The following SLC35F3 variants were observed in gnomAD, a reference collection of about 807,000 sequenced individuals.
The protein encoded by SLC35F3 is putative thiamine transporter SLC35F3.
A neutral mutation model predicts 49.9 loss-of-function variants in SLC35F3; 25 were observed. That is an observed-to-expected ratio of 0.50 (90% CI 0.37 to 0.70). The LOEUF is 0.70. Ranked by LOEUF, SLC35F3 falls within the 30% of genes least tolerant of loss-of-function variation. The probability of loss-of-function intolerance (pLI) is 0.00; values close to 1 mark genes in which losing one functional copy is unlikely to be tolerated. For synonymous variants in SLC35F3, 275 were observed against 265.4 expected, an observed-to-expected ratio of 1.04 and a Z score of -0.35; for missense variants, 525 against 639.8, an observed-to-expected ratio of 0.82 and a Z score of 1.94.
At chr1:233,987,582 C>T (rs1332411733) in intron 2 of SLC35F3, among the ~76,000 whole-genome samples, 1 of 151,852 alleles carries the variant, frequency 6.6e-6, no homozygotes, top group Non-Finnish European at 1.5e-5. Flanking sequence ...ATTTTGACGT[C>T]TTACAATAAT....
chr1:234,146,562 GCTCACTGCAACCTCCACCTCCCA>G (rs1304614772), intron 2 of SLC35F3, among the ~76,000 whole-genome samples: 3 of 128,732 alleles, frequency 2.3e-5, no homozygotes, highest in African/African-American at 3.1e-5. Context: ...TGTGATCTCT[GCTCACTGCAACCTCCACCTCCCA>G]CTCACTGCAA....
chr1:234,134,578 A>T (rs1049836008), intron 2 of SLC35F3, among the ~76,000 whole-genome samples: 1 of 151,846 alleles, frequency 6.6e-6, no homozygotes, highest in Non-Finnish European at 1.5e-5. Context: ...GGATAAAAGG[A>T]CAGAGTTTTA....
chr1:234,135,904 T>C (rs1665802602), intron 2 of SLC35F3, among the ~76,000 whole-genome samples: 1 of 152,238 alleles, frequency 6.6e-6, no homozygotes, highest in Non-Finnish European at 1.5e-5. Flanking sequence ...GCAAGCCTTT[T>C]TAAGGAGGGC....
chr1:234,276,135 C>T (rs1668207998), intron 3 of SLC35F3, among the ~76,000 whole-genome samples: 1 of 152,160 alleles, frequency 6.6e-6, no homozygotes, highest in Non-Finnish European at 1.5e-5. Context: ...CCCCTTTTTA[C>T]AGTTAATTAA....
At chr1:234,164,398 C>T (rs571395893) in intron 2 of SLC35F3, among the ~76,000 whole-genome samples, 2 of 150,148 alleles carry the variant, frequency 1.3e-5, no homozygotes, top group East Asian at 2.0e-4. Flanking sequence ...CCCTCTCTCT[C>T]CCCGCTCCCT....
rs143088723 is a variant in SLC35F3 at position 233,952,634 on chromosome 1, A to G, written c.283+46876A>G. The stretch of plus-strand genomic sequence containing the variant: ...AACCAAATCACATCCAGTGTCTCCC[A>G]CACACCACACCCCTGCTGTGGTGAA... On this transcript the variant is annotated intron_variant, in intron 2 of 7. Transcript: ENST00000366618. 6.0e-3 allele frequency among the ~76,000 whole-genome samples: 918 copies of G among 152,218 alleles called. 3 individuals carry two copies. Among genetic ancestry groups the G allele is most frequent in the Non-Finnish European group, 9.5e-3 (647 of 68,008 alleles).
chr1:234,177,785 A>G (rs1454529220), intron 2 of SLC35F3, among the ~76,000 whole-genome samples: 3 of 152,248 alleles, frequency 2.0e-5, no homozygotes, highest in Non-Finnish European at 4.4e-5. Flanking sequence ...CTCTTAACTC[A>G]GTCCGTGGTC....
chr1:234,087,497 A>G (rs1664978335), intron 2 of SLC35F3, among the ~76,000 whole-genome samples: 1 of 152,186 alleles, frequency 6.6e-6, no homozygotes, highest in South Asian at 2.1e-4. Context: ...GCCAAGAGTT[A>G]AATGTCCTGT....
intron 2 of SLC35F3, among the ~76,000 whole-genome samples, chr1:234,139,736 T>C (rs2102902320): frequency 6.6e-6 from 1 of 151,842 alleles, no homozygotes; most frequent in East Asian, 1.9e-4. Context: ...GATCATGAGG[T>C]CAGGAGTTTG....
intron 2 of SLC35F3, among the ~76,000 whole-genome samples, chr1:233,932,467 G>A (rs912553572): frequency 2.0e-5 from 3 of 152,048 alleles, no homozygotes; most frequent in African/African-American, 4.8e-5. Context: ...ATAATGATCC[G>A]ACGAGTGGAT....
At chr1:233,926,177 C>T (rs1024827323) in intron 2 of SLC35F3, among the ~76,000 whole-genome samples, 1 of 152,000 alleles carries the variant, frequency 6.6e-6, no homozygotes, top group African/African-American at 2.4e-5. Context: ...TGAATGTTGG[C>T]CTGCCTTGCT....
At chr1:234,129,809 T>A (rs1422387661) in intron 2 of SLC35F3, among the ~76,000 whole-genome samples, 1 of 152,146 alleles carries the variant, frequency 6.6e-6, no homozygotes, top group East Asian at 1.9e-4. Flanking sequence ...TACAATGCAA[T>A]ACGGAAAGAA....
At chr1:234,210,513 C>T (rs1049623360) in intron 2 of SLC35F3, among the ~76,000 whole-genome samples, 1 of 152,158 alleles carries the variant, frequency 6.6e-6, no homozygotes, top group Non-Finnish European at 1.5e-5. Flanking sequence ...AAAGTCCAAG[C>T]TGAGGTGGTC....
Position 234,113,579 on chromosome 1 carries a change from T to C in SLC35F3, c.284-117838T>C, listed in dbSNP as rs375842667. Among the ~76,000 whole-genome samples the C allele has an allele frequency of 1.1e-4, 17 of 152,206 alleles. No homozygotes were observed. The East Asian group carries it at 2.1e-3, about 19-fold the overall frequency. On this transcript the variant is annotated intron_variant, in intron 2 of 7. Coordinates refer to ENST00000366618, the MANE Select transcript of SLC35F3 (RefSeq NM_173508.4). ...CATGACCATTAAGATTTCGGTGACA[T>C]GTAGGCAAGCATGGTGGCTCACGCC...
At chr1:234,130,079 G>T (rs1257924448) in intron 2 of SLC35F3, among the ~76,000 whole-genome samples, 2 of 152,140 alleles carry the variant, frequency 1.3e-5, no homozygotes, top group African/African-American at 4.8e-5. Context: ...AGAAACACAA[G>T]CCATAAACTG....
intron 2 of SLC35F3, among the ~76,000 whole-genome samples, chr1:234,058,963 A>G (rs1004941842): frequency 1.3e-5 from 2 of 152,150 alleles, no homozygotes; most frequent in Non-Finnish European, 1.5e-5. Context: ...TCTGCATACA[A>G]TTGTTCTTAG....
intron 2 of SLC35F3, among the ~76,000 whole-genome samples, chr1:233,947,792 G>A (rs1248907739): frequency 6.7e-6 from 1 of 148,234 alleles, no homozygotes; most frequent in Non-Finnish European, 1.5e-5. Context: ...GAGAGAGAAT[G>A]TGTGAACGTG....
chr1:234,197,426 G>A (rs923655867), intron 2 of SLC35F3, among the ~76,000 whole-genome samples: 3 of 152,210 alleles, frequency 2.0e-5, no homozygotes, highest in Non-Finnish European at 4.4e-5. Flanking sequence ...AGAGGACTCA[G>A]AGGAACCTGG....
At chr1:234,220,319 TA>T (rs1396429626) in intron 2 of SLC35F3, among the ~76,000 whole-genome samples, 1 of 152,164 alleles carries the variant, frequency 6.6e-6, no homozygotes, top group African/African-American at 2.4e-5. Flanking sequence ...TGCTCATGTG[TA>T]CATGCTCATA....
Sources: allele counts gnomAD v4.1 joint callset (sites outside exome capture counted in the v4.1 genomes callset), GRCh38; gene constraint gnomAD v4.1.1; transcripts MANE v1.5; gene names NCBI Gene and HGNC (gene_info 2026-07-23, HGNC 2026-07-21).